Variants in TBL1XR1 observed in about 807,000 individuals in gnomAD.
The protein encoded by TBL1XR1 is F-box-like/WD repeat-containing protein TBL1XR1.
TBL1XR1 carries 5 observed loss-of-function variants against 66.9 expected under a neutral mutation model. The observed-to-expected ratio is 0.07, with a 90% CI of 0.04 to 0.16. The LOEUF is 0.16. Among genes scored for constraint, TBL1XR1 ranks in the 10% least tolerant of loss-of-function variants. TBL1XR1 has a pLI of 1.00. For missense variants in TBL1XR1, 238 were observed against 623.2 expected (o/e 0.38, Z 6.58); for synonymous variants, 210 against 206.0 (o/e 1.02, Z -0.17).
At chr3:177,193,017 G>A (rs1736361033) in intron 1 of TBL1XR1, among the ~76,000 whole-genome samples, 1 of 151,946 alleles carries the variant, frequency 6.6e-6, no homozygotes, top group South Asian at 2.1e-4. Flanking sequence ...GCCGGGAGTG[G>A]TGGCAAGCAC....
At position 177,173,142 on chromosome 3, in the gene TBL1XR1, G is replaced by A. The variant is rs568427104; in HGVS notation, c.-122+23979C>T. On this transcript the variant is annotated intron_variant, in intron 1 of 15. Coordinates refer to ENST00000457928, the MANE Select transcript of TBL1XR1 (RefSeq NM_024665.7). ...GCGGGGGCTGCAGTGAGCCGAGATC[G>A]TGCCACTGCACTCCAGCCTGGGAAA... 3.9e-5 allele frequency among the ~76,000 whole-genome samples: 6 copies of A among 152,226 alleles called. 1 individual carries two copies. The Middle Eastern group carries it at 0.017, about 431-fold the overall frequency.
At chr3:177,110,983 A>C (rs747647263) in intron 1 of TBL1XR1, 7 of 152,258 alleles carry the variant, frequency 4.6e-5, no homozygotes, top group Non-Finnish European at 1.0e-4. Flanking sequence ...CTGCTCTAAC[A>C]ACTCAGACTC....
At chr3:177,041,780 G>C (rs890620928) in intron 10 of TBL1XR1, among the ~76,000 whole-genome samples, 4 of 152,190 alleles carry the variant, frequency 2.6e-5, no homozygotes, top group Admixed American at 6.5e-5. Flanking sequence ...GTGGTTTCCA[G>C]ATGGGTTCAT....
Position 177,032,992 on chromosome 3 carries a change from A to G in TBL1XR1, c.1395T>C (p.Cys465=). 6.2e-7 allele frequency: 1 copy of G among 1,604,510 alleles called. No homozygotes were observed. The highest frequency in any genetic ancestry group is 8.5e-7 in the Non-Finnish European group (1 of 1,174,880). ...ATACCTGCGTGTTCCAGATGTGTACACATTTGTCAAAAGAACCACTTGCCA... is the reference window on the plus strand; with the variant it reads ...ATACCTGCGTGTTCCAGATGTGTACGCATTTGTCAAAAGAACCACTTGCCA... The part of the protein sequence containing the change: ...RYLASGSFDK[C]VHIWNTQTGA... The change falls in exon 14 of 16, where the codon TGT becomes TGC. Residue 465 remains cysteine (C), a synonymous_variant. Coordinates refer to ENST00000457928, the MANE Select transcript of TBL1XR1 (RefSeq NM_024665.7).
rs535340708 is a variant in TBL1XR1, at chr3:177,091,433, C to A, written c.-46+7033G>T. 3.3e-5 allele frequency among the ~76,000 whole-genome samples: 5 copies of A among 151,784 alleles called. No individual in the cohort carries two copies. In the South Asian group the frequency reaches 1.0e-3, roughly 32 times the overall value. On this transcript the variant is annotated intron_variant, in intron 2 of 15. Coordinates refer to ENST00000457928, the MANE Select transcript of TBL1XR1 (RefSeq NM_024665.7). ...TATATAACATAAATATATAAATATT[C>A]TTTTTCACTAAAAGGAATCAGGACT...
At chr3:177,035,989 A>G (rs560284193) in intron 12 of TBL1XR1, among the ~76,000 whole-genome samples, 11 of 152,338 alleles carry the variant, frequency 7.2e-5, no homozygotes, top group East Asian at 1.9e-4. Flanking sequence ...TTAAGCACCC[A>G]TGGCACATCA....
rs183346971 is a variant in TBL1XR1, at chr3:177,155,154, G to A, written c.-122+41967C>T. ...ACTATTTCACAAACAAAACGAATTT[G>A]AGATCACTGATCTAAGTTTAAGAAG... is the stretch of plus-strand genomic sequence containing the variant. On this transcript the variant is annotated intron_variant, in intron 1 of 15. Coordinates refer to ENST00000457928, the MANE Select transcript of TBL1XR1 (RefSeq NM_024665.7). Among the ~76,000 whole-genome samples, 19 of 152,276 alleles carry A rather than the reference G, an allele frequency of 1.2e-4. No homozygotes were observed. The East Asian group carries it at 3.7e-3, about 29-fold the overall frequency.
chr3:177,051,186 G>A (rs1260075325), intron 5 of TBL1XR1, among the ~76,000 whole-genome samples: 1 of 152,040 alleles, frequency 6.6e-6, no homozygotes. Flanking sequence ...TACAAGTTAG[G>A]GAAACAAGTT....
intron 2 of TBL1XR1, among the ~76,000 whole-genome samples, chr3:177,085,607 T>A (rs924780238): frequency 3.3e-5 from 5 of 152,152 alleles, no homozygotes; most frequent in African/African-American, 1.2e-4. Flanking sequence ...ATGAAAACTT[T>A]ATGACTGAAA....
Position 177,019,673 on chromosome 3 carries a change from A to C in TBL1XR1, c.*5825T>G, listed in dbSNP as rs902722272. On this transcript the variant is annotated 3_prime_UTR_variant, in exon 16 of 16. Transcript: ENST00000457928. The stretch of plus-strand genomic sequence containing the variant: ...CGGATTATACTAGGTAATAAATCTA[A>C]TCCATTGTAAAGTGTTAACTATGAA... The C allele has an allele frequency of 6.6e-6, 1 of 152,190 alleles. No homozygotes were observed. Among genetic ancestry groups the C allele is most frequent in the Non-Finnish European group, 1.5e-5 (1 of 68,018 alleles). 9.4% of individuals were successfully genotyped at this position (152,190 alleles called of 1,614,324 possible). A position where few individuals can be genotyped will look rare whatever the true frequency, so the allele number is the denominator to read the frequency against.
At chr3:177,064,682 A>C (rs1718933854) in intron 3 of TBL1XR1, among the ~76,000 whole-genome samples, 1 of 152,200 alleles carries the variant, frequency 6.6e-6, no homozygotes. Context: ...AGATTATAAA[A>C]ATGGTCTTTG....
intron 1 of TBL1XR1, among the ~76,000 whole-genome samples, chr3:177,119,215 C>T (rs1726688380): frequency 1.3e-5 from 2 of 152,174 alleles, no homozygotes; most frequent in African/African-American, 4.8e-5. Flanking sequence ...TCAGGTGATC[C>T]ACCCACCTCA....
rs1712113376 is a variant in TBL1XR1 at position 177,019,702 on chromosome 3, A to T, written c.*5796T>A. On this transcript the variant is annotated 3_prime_UTR_variant, in exon 16 of 16. Coordinates refer to ENST00000457928, the MANE Select transcript of TBL1XR1 (RefSeq NM_024665.7). ...ATTGTAAAGTGTTAACTATGAAATT[A>T]AAAATAATCCCTTCTATTACTGTTC... The T allele has an allele frequency of 6.6e-6, 1 of 152,192 alleles. No individual in the cohort carries two copies. The highest frequency in any genetic ancestry group is 1.5e-5 in the Non-Finnish European group (1 of 68,012). The allele number at this position is 152,192 out of a possible 1,614,324, so 9.4% of individuals were successfully genotyped here. A position where few individuals can be genotyped will look rare whatever the true frequency, so the allele number is the denominator to read the frequency against.
intron 1 of TBL1XR1, among the ~76,000 whole-genome samples, chr3:177,101,005 G>A (rs1395262430): frequency 2.0e-5 from 3 of 152,096 alleles, no homozygotes; most frequent in Non-Finnish European, 2.9e-5. Context: ...ACCGGCACGC[G>A]CCACTACACC....
intron 1 of TBL1XR1, chr3:177,161,130 T>C (rs1732161622): frequency 6.6e-6 from 1 of 152,212 alleles, no homozygotes. Context: ...TGTTTCCGTT[T>C]TGGAAATTTG....
upstream of TBL1XR1, among the ~76,000 whole-genome samples, chr3:177,199,707 T>G (rs1469235885): frequency 6.6e-6 from 1 of 152,094 alleles, no homozygotes; most frequent in Non-Finnish European, 1.5e-5. Context: ...TTCAGGTTCA[T>G]AGGATCAGGT....
At chr3:177,031,096 G>A (rs1372531302) in intron 14 of TBL1XR1, among the ~76,000 whole-genome samples, 1 of 152,210 alleles carries the variant, frequency 6.6e-6, no homozygotes, top group Non-Finnish European at 1.5e-5. Context: ...TGGGGCACAA[G>A]AGCGAGACTT....
intron 1 of TBL1XR1, among the ~76,000 whole-genome samples, chr3:177,190,346 G>A (rs1167647324): frequency 6.6e-6 from 1 of 151,958 alleles, no homozygotes; most frequent in Non-Finnish European, 1.5e-5. Context: ...CGGAGTTGAT[G>A]CTCTTGTTGA....
At chr3:177,134,482 TTC>T (rs1362794427) in intron 1 of TBL1XR1, among the ~76,000 whole-genome samples, 39 of 152,304 alleles carry the variant, frequency 2.6e-4, no homozygotes, top group Non-Finnish European at 2.1e-4. Context: ...ATGTGTTACA[TTC>T]TATAACACAT....
Sources: gnomAD v4.1 joint callset for allele counts (sites outside exome capture counted in the v4.1 genomes callset) on GRCh38, gnomAD v4.1.1 for gene constraint, MANE v1.5 for transcripts, NCBI Gene and HGNC (gene_info 2026-07-23, HGNC 2026-07-21) for gene names.